The following TANC2 variants were observed in gnomAD, a reference collection of about 807,000 sequenced individuals.
TANC2 encodes the protein tetratricopeptide repeat, ankyrin repeat and coiled-coil containing 2, also known as protein TANC2.
In TANC2, 26 loss-of-function variants were observed where a neutral mutation model predicts 210.5. The ratio of observed to expected loss-of-function variants is 0.12; its 90% CI spans 0.09 to 0.17. TANC2 has a LOEUF of 0.17. Among genes scored for constraint, TANC2 ranks in the 10% least tolerant of loss-of-function variants. The pLI is 1.00. For missense variants in TANC2, 2,129 were observed against 2,608.9 expected, an observed-to-expected ratio of 0.82 and a Z score of 4.01; for synonymous variants, 931 against 967.1, an observed-to-expected ratio of 0.96 and a Z score of 0.69.
chr17:62,981,116 G>A, intron 1 of TANC2, among the ~76,000 whole-genome samples: 1 of 152,070 alleles, frequency 6.6e-6, no homozygotes, highest in African/African-American at 2.4e-5. Context: ...GTTTAGTGCT[G>A]CCCAGCTGTC....
At chr17:63,256,117 G>A (rs1379595368) in intron 8 of TANC2, among the ~76,000 whole-genome samples, 2 of 151,954 alleles carry the variant, frequency 1.3e-5, no homozygotes, top group African/African-American at 4.8e-5. Context: ...TGTTGGCCAG[G>A]CTGGTCTCAT....
chr17:62,981,666 C>T (rs2032308342), intron 1 of TANC2, among the ~76,000 whole-genome samples: 1 of 152,142 alleles, frequency 6.6e-6, no homozygotes, highest in South Asian at 2.1e-4. Flanking sequence ...AGGGCACAGT[C>T]CTCCGTAAGA....
Position 63,421,407 on chromosome 17 carries a change from G to C in TANC2, c.5677G>C (p.Glu1893Gln). The change falls in exon 28 of 28, where the codon GAG (glutamate) becomes CAG (glutamine). Residue 1893 changes from glutamate (E) to glutamine (Q), a missense_variant. Glu to Gln is a conservative substitution (Grantham distance 29). Coordinates refer to ENST00000689528, the Ensembl canonical transcript of TANC2. This position sits in a 1 kb window ranked among gnomAD's most constrained non-coding sequence, Gnocchi z 6.9. ...GCCATCTTCTTCCATCCAGCAAATG[G>C]AGATCCCACTGAAACCTGCATATGA... The C allele has an allele frequency of 6.2e-7, 1 of 1,613,912 alleles. No homozygotes were observed. Among genetic ancestry groups the C allele is most frequent in the Non-Finnish European group, 8.5e-7 (1 of 1,179,882 alleles).
intron 7 of TANC2, among the ~76,000 whole-genome samples, chr17:63,205,271 A>C (rs2041663880): frequency 1.3e-5 from 2 of 150,960 alleles, no homozygotes; most frequent in African/African-American, 4.9e-5. Flanking sequence ...CCATATACAA[A>C]AATTAAAATG....
chr17:63,007,988 G>GT (rs56950914), intron 1 of TANC2, among the ~76,000 whole-genome samples: 2,083 of 118,236 alleles, frequency 0.018, 22 homozygotes, highest in Middle Eastern at 0.032. Context: ...ATTGGCGCCA[G>GT]TTTTTTTTTT....
intron 6 of TANC2, chr17:63,197,633 A>T (rs1274933444): frequency 2.0e-5 from 3 of 152,216 alleles, no homozygotes; most frequent in Admixed American, 2.0e-4. Flanking sequence ...TGACCCCTTT[A>T]TTCTTTCAGT....
At chr17:62,987,958 T>C (rs1435917768) in intron 1 of TANC2, among the ~76,000 whole-genome samples, 2 of 152,248 alleles carry the variant, frequency 1.3e-5, no homozygotes, top group East Asian at 3.9e-4. Flanking sequence ...AAAAGGCATG[T>C]TAGAAGATTA....
At chr17:62,996,049 A>G (rs2033091192) in intron 1 of TANC2, among the ~76,000 whole-genome samples, 1 of 152,220 alleles carries the variant, frequency 6.6e-6, no homozygotes, top group Non-Finnish European at 1.5e-5. Flanking sequence ...TTCACAGAGG[A>G]AAAAACATGC....
At chr17:63,083,889 T>A (rs2036865987) in intron 3 of TANC2, among the ~76,000 whole-genome samples, 2 of 152,218 alleles carry the variant, frequency 1.3e-5, no homozygotes, top group African/African-American at 4.8e-5. Context: ...TGGATTTGAT[T>A]TGTAAATATT....
chr17:63,246,871 T>C (rs2042933345), intron 8 of TANC2, among the ~76,000 whole-genome samples: 1 of 152,176 alleles, frequency 6.6e-6, no homozygotes. Flanking sequence ...ATATTTAACT[T>C]TTTAAGAAAT....
intron 3 of TANC2, among the ~76,000 whole-genome samples, chr17:63,093,240 T>TAA (rs1275733347): frequency 1.3e-5 from 2 of 151,652 alleles, no homozygotes; most frequent in African/African-American, 4.8e-5. Context: ...AATAGTTTTA[T>TAA]AGTTTTTTTT....
intron 11 of TANC2, among the ~76,000 whole-genome samples, chr17:63,337,105 C>A (rs1474373541): frequency 1.3e-5 from 2 of 152,146 alleles, no homozygotes; most frequent in African/African-American, 4.8e-5. Context: ...TGTGCATATA[C>A]CTACTACGTA....
At chr17:63,314,037 G>A (rs984196750) in intron 9 of TANC2, among the ~76,000 whole-genome samples, 5 of 152,180 alleles carry the variant, frequency 3.3e-5, no homozygotes, top group Non-Finnish European at 5.9e-5. Flanking sequence ...CGTAGCAGGA[G>A]GCCTTTAGGT....
At chr17:63,204,888 C>T (rs1320117901) in intron 7 of TANC2, among the ~76,000 whole-genome samples, 1 of 151,978 alleles carries the variant, frequency 6.6e-6, no homozygotes, top group Non-Finnish European at 1.5e-5. Context: ...AGTTTGAGAC[C>T]AGCCTGGCCA....
intron 13 of TANC2, among the ~76,000 whole-genome samples, chr17:63,353,813 A>G (rs1253416939): frequency 1.3e-5 from 2 of 152,148 alleles, no homozygotes; most frequent in Non-Finnish European, 2.9e-5. Context: ...CGTTGTGTCA[A>G]ATATTGCCGA....
intron 14 of TANC2, among the ~76,000 whole-genome samples, chr17:63,358,346 G>A (rs893987554): frequency 6.7e-5 from 10 of 149,502 alleles, no homozygotes; most frequent in Admixed American, 1.3e-4. Context: ...AACAAGGTGA[G>A]TAGAGTGAGA....
In TANC2 at chr17:63,294,901, T is replaced by C. The variant is rs146436720; in HGVS notation, c.1160-19487T>C. ...TCATCTTTTTTCCTTAGCTCAGCTATAGTTGGGATGATAACTTGTCACTGA... is the reference window on the plus strand; with the variant it reads ...TCATCTTTTTTCCTTAGCTCAGCTACAGTTGGGATGATAACTTGTCACTGA... On this transcript the variant is annotated intron_variant, in intron 9 of 27. Coordinates refer to ENST00000689528, the Ensembl canonical transcript of TANC2. Among the ~76,000 whole-genome samples the C allele has an allele frequency of 1.1e-4, 17 of 152,350 alleles. No individual in the cohort carries two copies. The East Asian group carries it at 1.9e-3, about 17-fold the overall frequency.
intron 8 of TANC2, among the ~76,000 whole-genome samples, chr17:63,241,670 C>T (rs769316861): frequency 9.2e-5 from 14 of 152,142 alleles, no homozygotes; most frequent in African/African-American, 1.2e-4. Flanking sequence ...CTTACCCTGG[C>T]GTTGGATTCA....
At chr17:63,243,008 C>T (rs907232292) in intron 8 of TANC2, among the ~76,000 whole-genome samples, 4 of 152,178 alleles carry the variant, frequency 2.6e-5, no homozygotes, top group African/African-American at 9.7e-5. Context: ...AATTAGGGCT[C>T]AGGAAAGTGG....
Sources: allele counts gnomAD v4.1 joint callset (sites outside exome capture counted in the v4.1 genomes callset), GRCh38; gene constraint gnomAD v4.1.1; non-coding constraint Gnocchi (gnomAD v3.1); transcripts MANE v1.5; gene names NCBI Gene and HGNC (gene_info 2026-07-23, HGNC 2026-07-21).